ST6GALNAC5: variants seen among roughly 807,000 people sequenced by gnomAD.
ST6GALNAC5 encodes the protein ST6 N-acetylgalactosaminide alpha-2,6-sialyltransferase 5.
Under a neutral mutation model 33.6 loss-of-function variants are expected in ST6GALNAC5, and 27 were observed. The observed-to-expected ratio is 0.80, with a 90% CI of 0.59 to 1.11. The LOEUF is 1.11. Ranked by LOEUF, ST6GALNAC5 falls within the 50% of genes least tolerant of loss-of-function variation. ST6GALNAC5 has a pLI of 0.00. For missense variants in ST6GALNAC5, 428 were observed against 454.0 expected (o/e 0.94, Z 0.52); for synonymous variants, 194 against 171.2 (o/e 1.13, Z -1.04).
chr1:77,015,178 C>T (rs1368472786), intron 2 of ST6GALNAC5, among the ~76,000 whole-genome samples: 1 of 151,942 alleles, frequency 6.6e-6, no homozygotes, highest in Non-Finnish European at 1.5e-5. Flanking sequence ...CTCAGGAAAG[C>T]CAGTAGGGTA....
intron 2 of ST6GALNAC5, among the ~76,000 whole-genome samples, chr1:77,012,583 C>G (rs1650673113): frequency 6.6e-6 from 1 of 152,122 alleles, no homozygotes; most frequent in Non-Finnish European, 1.5e-5. Context: ...AAGACAGGTC[C>G]TAATTGGATC....
chr1:76,968,517 G>A (rs1333854294), intron 2 of ST6GALNAC5, among the ~76,000 whole-genome samples: 2 of 152,122 alleles, frequency 1.3e-5, no homozygotes, highest in Non-Finnish European at 2.9e-5. Flanking sequence ...ACACTGATGG[G>A]TCTTGACTCC....
chr1:76,923,217 A>T (rs535931179), intron 2 of ST6GALNAC5, among the ~76,000 whole-genome samples: 10 of 152,196 alleles, frequency 6.6e-5, no homozygotes, highest in African/African-American at 2.4e-4. Flanking sequence ...TATTTATTGT[A>T]ACTGCATGTA....
chr1:76,963,581 T>C (rs1474410455), intron 2 of ST6GALNAC5, among the ~76,000 whole-genome samples: 1 of 152,162 alleles, frequency 6.6e-6, no homozygotes, highest in Non-Finnish European at 1.5e-5. Flanking sequence ...ACAGAATGGA[T>C]TGGGAGTCTT....
chr1:77,002,642 C>T (rs867198887), intron 2 of ST6GALNAC5, among the ~76,000 whole-genome samples: 1,811 of 150,826 alleles, frequency 0.012, 16 homozygotes, highest in Middle Eastern at 0.072. Context: ...CTACAAATTT[C>T]CCTCTACACA....
At chr1:76,891,092 G>T (rs184381334) in intron 2 of ST6GALNAC5, among the ~76,000 whole-genome samples, 1 of 151,992 alleles carries the variant, frequency 6.6e-6, no homozygotes, top group Non-Finnish European at 1.5e-5. Flanking sequence ...CTTCTCTTGG[G>T]TATATACCTA....
At chr1:76,958,874 T>G (rs763226319) in intron 2 of ST6GALNAC5, among the ~76,000 whole-genome samples, 2 of 152,168 alleles carry the variant, frequency 1.3e-5, no homozygotes, top group African/African-American at 4.8e-5. Flanking sequence ...CTCCTCCCTT[T>G]GTGCCCCAGT....
chr1:76,929,588 T>C (rs1327511039), intron 2 of ST6GALNAC5, among the ~76,000 whole-genome samples: 1 of 152,094 alleles, frequency 6.6e-6, no homozygotes, highest in Non-Finnish European at 1.5e-5. Context: ...TGGATCATAG[T>C]GTAGCAGAGA....
chr1:76,908,040 A>G (rs2100275445), intron 2 of ST6GALNAC5, among the ~76,000 whole-genome samples: 1 of 152,236 alleles, frequency 6.6e-6, no homozygotes, highest in South Asian at 2.1e-4. Context: ...TTTTAATACA[A>G]TAGATTTTTT....
Position 76,974,036 on chromosome 1 carries a change from G to A in ST6GALNAC5, c.262-70168G>A, listed in dbSNP as rs550745469. Among the ~76,000 whole-genome samples, 413 of 151,764 alleles carry A rather than the reference G, an allele frequency of 2.7e-3. 3 individuals carry two copies. Among genetic ancestry groups the A allele is most frequent in the Admixed American group, 5.8e-3 (88 of 15,246 alleles). ...GTTTCTTTACTATTCTAGTATATAA[G>A]AATAAAAAAACAACTAATTTTATTA... is the stretch of plus-strand genomic sequence containing the variant. On this transcript the variant is annotated intron_variant, in intron 2 of 4. Transcript: ENST00000477717.
At chr1:76,929,176 A>G (rs536212231) in intron 2 of ST6GALNAC5, among the ~76,000 whole-genome samples, 2 of 152,214 alleles carry the variant, frequency 1.3e-5, no homozygotes, top group African/African-American at 4.8e-5. Context: ...TCCAATTCAC[A>G]TCCTTTCAAG....
intron 3 of ST6GALNAC5, among the ~76,000 whole-genome samples, chr1:77,046,670 C>T (rs756912023): frequency 1.1e-4 from 16 of 152,156 alleles, no homozygotes; most frequent in Non-Finnish European, 1.5e-4. Flanking sequence ...GTTATTTAAT[C>T]AAGAAAACAT....
At chr1:77,043,814 C>A (rs1651911338) in intron 2 of ST6GALNAC5, among the ~76,000 whole-genome samples, 1 of 152,158 alleles carries the variant, frequency 6.6e-6, no homozygotes. Flanking sequence ...GCCGGAAGCA[C>A]AACTTTATTA....
chr1:77,008,928 A>G (rs536514666), intron 2 of ST6GALNAC5, among the ~76,000 whole-genome samples: 2 of 152,368 alleles, frequency 1.3e-5, no homozygotes, highest in East Asian at 1.9e-4. Flanking sequence ...TCTGAACTAC[A>G]GGGGAGTTAC....
chr1:77,038,851 T>C (rs531859778), intron 2 of ST6GALNAC5, among the ~76,000 whole-genome samples: 1 of 152,266 alleles, frequency 6.6e-6, no homozygotes, highest in Non-Finnish European at 1.5e-5. Flanking sequence ...TTTAGGTATG[T>C]TTGGGGGTTT....
At chr1:77,058,421 C>T (rs570804290) in intron 4 of ST6GALNAC5, among the ~76,000 whole-genome samples, 204 of 152,288 alleles carry the variant, frequency 1.3e-3, no homozygotes, top group South Asian at 8.1e-3. Flanking sequence ...TGGGGCGGGG[C>T]ATGAGTGAGT....
At chr1:77,015,584 G>A (rs1650800410) in intron 2 of ST6GALNAC5, among the ~76,000 whole-genome samples, 2 of 152,138 alleles carry the variant, frequency 1.3e-5, no homozygotes, top group South Asian at 4.2e-4. Context: ...GTCTAGTGGA[G>A]GAGACAGACC....
chr1:76,968,949 A>G (rs1648619216), intron 2 of ST6GALNAC5, among the ~76,000 whole-genome samples: 1 of 152,186 alleles, frequency 6.6e-6, no homozygotes, highest in Non-Finnish European at 1.5e-5. Context: ...CAAGAAATCC[A>G]CTGTTACACT....
At chr1:77,021,325 TG>T (rs1651047191) in intron 2 of ST6GALNAC5, among the ~76,000 whole-genome samples, 1 of 152,212 alleles carries the variant, frequency 6.6e-6, no homozygotes, top group African/African-American at 2.4e-5. Context: ...GCAGGGGGTA[TG>T]TTGCTTTTAT....
Sources: gnomAD v4.1 joint callset for allele counts (sites outside exome capture counted in the v4.1 genomes callset) on GRCh38, gnomAD v4.1.1 for gene constraint, MANE v1.5 for transcripts, NCBI Gene and HGNC (gene_info 2026-07-23, HGNC 2026-07-21) for gene names.